The following RASGEF1A variants were observed in gnomAD, a reference collection of about 807,000 sequenced individuals.
The protein encoded by RASGEF1A is RasGEF domain family member 1A, also known as ras-GEF domain-containing family member 1A.
A neutral mutation model predicts 56.4 loss-of-function variants in RASGEF1A; 18 were observed. That is an observed-to-expected ratio of 0.32 (90% confidence interval 0.22 to 0.47). The LOEUF is 0.47. Among genes scored for constraint, RASGEF1A ranks in the 20% least tolerant of loss-of-function variants. The pLI, the probability that RASGEF1A is intolerant of heterozygous loss-of-function variation, is 1.00. For missense variants in RASGEF1A, 422 were observed against 627.1 expected (o/e 0.67, Z 3.49); for synonymous variants, 245 against 242.6 (o/e 1.01, Z -0.09).
chr10:43,221,945 G>A (rs112492062), intron 1 of RASGEF1A, among the ~76,000 whole-genome samples: 10,177 of 152,288 alleles, frequency 0.067, 922 homozygotes, highest in African/African-American at 0.2. Flanking sequence ...CGTGTGGCCC[G>A]GGCACATACA....
At chr10:43,263,716 C>A (rs927461685) in intron 1 of RASGEF1A, among the ~76,000 whole-genome samples, 2 of 152,160 alleles carry the variant, frequency 1.3e-5, no homozygotes, top group African/African-American at 4.8e-5. Flanking sequence ...GCAGGGCGGG[C>A]AACCACAGGT....
At chr10:43,204,715 A>G (rs1212118843) in intron 2 of RASGEF1A, among the ~76,000 whole-genome samples, 1 of 152,128 alleles carries the variant, frequency 6.6e-6, no homozygotes, top group South Asian at 2.1e-4. Flanking sequence ...CCAATGCCCA[A>G]CTGGAGTCTC....
At chr10:43,209,682 G>GCC (rs34314288) in intron 1 of RASGEF1A, among the ~76,000 whole-genome samples, 37 of 141,660 alleles carry the variant, frequency 2.6e-4, no homozygotes, top group African/African-American at 3.5e-4. Flanking sequence ...AGCTCAGGAA[G>GCC]CCCCCCCACC....
At chr10:43,198,270 G>GAGCAGGAGGC (rs1839833168) in intron 9 of RASGEF1A, 75 bp from the exon 10 acceptor site, 1 of 1,324,946 alleles carries the variant, frequency 7.5e-7, no homozygotes, top group Non-Finnish European at 1.0e-6. Context: ...CCCCTCTGCA[G>GAGCAGGAGGC]AGCAGGAGGC....
At chr10:43,236,827 G>A (rs556653785) in intron 1 of RASGEF1A, among the ~76,000 whole-genome samples, 13 of 152,322 alleles carry the variant, frequency 8.5e-5, no homozygotes, top group Non-Finnish European at 1.8e-4. Flanking sequence ...AGACTCAGAG[G>A]AGACCCTGCC....
intron 10 of RASGEF1A, 129 bp from the exon 11 acceptor site, chr10:43,197,228 G>T: frequency 9.0e-7 from 1 of 1,106,096 alleles, no homozygotes; most frequent in Non-Finnish European, 1.3e-6. Context: ...ATGGGACAGT[G>T]GCCCTGCACG....
In RASGEF1A at chr10:43,200,594, G is replaced by C; in HGVS notation, c.681+73C>G. ...GGCTCAGTGTGACTAGCAGGGGCCTGAAGTGCTGTGCTGAAAGAGGCACTG... is the reference window on the plus strand; with the variant it reads ...GGCTCAGTGTGACTAGCAGGGGCCTCAAGTGCTGTGCTGAAAGAGGCACTG... On this transcript the variant is annotated intron_variant, in intron 5 of 12. Transcript: ENST00000395810. 4.4e-6 allele frequency: 6 copies of C among 1,349,282 alleles called. 1 individual carries two copies. Among genetic ancestry groups the C allele is most frequent in the Admixed American group, 1.8e-5 (1 of 55,700 alleles). The allele number at this position is 1,349,282 out of a possible 1,614,324, so 83.6% of individuals were successfully genotyped here.
chr10:43,224,288 A>G (rs1015838611), intron 1 of RASGEF1A, among the ~76,000 whole-genome samples: 2 of 149,938 alleles, frequency 1.3e-5, no homozygotes, highest in Non-Finnish European at 2.9e-5. Flanking sequence ...TATAAATGTG[A>G]CAAATATGTC....
chr10:43,208,721 C>A (rs1431501081), intron 1 of RASGEF1A: 3 of 985,402 alleles, frequency 3.0e-6, no homozygotes, highest in Non-Finnish European at 3.6e-6. Flanking sequence ...CAAGACCCTG[C>A]AGGTCTGGGG....
intron 1 of RASGEF1A, among the ~76,000 whole-genome samples, chr10:43,217,045 C>T (rs1840146428): frequency 6.6e-6 from 1 of 152,192 alleles, no homozygotes. Context: ...CCCACCTGCA[C>T]TGAGAGGCAT....
chr10:43,237,665 C>T (rs181621466), intron 1 of RASGEF1A, among the ~76,000 whole-genome samples: 126 of 152,302 alleles, frequency 8.3e-4, no homozygotes, highest in African/African-American at 2.9e-3. Flanking sequence ...GGCTAACGCA[C>T]GGCGTGGGTT....
intron 1 of RASGEF1A, among the ~76,000 whole-genome samples, chr10:43,257,312 T>C (rs1198861927): frequency 6.6e-6 from 1 of 152,244 alleles, no homozygotes; most frequent in Non-Finnish European, 1.5e-5. Flanking sequence ...ATGATTTGCA[T>C]GCCCACCCTG....
At chr10:43,249,199 A>C (rs1840599320) in intron 1 of RASGEF1A, among the ~76,000 whole-genome samples, 1 of 152,212 alleles carries the variant, frequency 6.6e-6, no homozygotes, top group South Asian at 2.1e-4. Context: ...ACCAGACTCT[A>C]AGAACAGTAG....
intron 1 of RASGEF1A, among the ~76,000 whole-genome samples, chr10:43,264,859 T>C (rs1413521626): frequency 6.6e-6 from 1 of 152,132 alleles, no homozygotes; most frequent in Non-Finnish European, 1.5e-5. Context: ...CCCCCATCCC[T>C]GCCTTGGCAC....
rs756275608 is a variant in RASGEF1A, at chr10:43,201,960, G to A, written c.322-15C>T. ...TTCAGCTTGGCCTGGGGCAGCAGGG[G>A]ATACAGAGTAAGGCCCCACAGGGCA... is the stretch of plus-strand genomic sequence containing the variant. On this transcript the variant is annotated splice_polypyrimidine_tract_variant and intron_variant, in intron 3 of 12. Transcript: ENST00000395810. 1.9e-6 allele frequency: 3 copies of A among 1,598,458 alleles called. No homozygotes were observed. Among genetic ancestry groups the A allele is most frequent in the Admixed American group, 1.7e-5 (1 of 58,880 alleles).
chr10:43,266,601 G>A (rs1313998396), intron 1 of RASGEF1A, among the ~76,000 whole-genome samples: 7 of 150,026 alleles, frequency 4.7e-5, no homozygotes, highest in Admixed American at 1.3e-4. Context: ...GGTGCAGGGG[G>A]TCCTGGCGCC....
At chr10:43,209,147 T>G (rs1269877048) in intron 1 of RASGEF1A, 3 of 985,368 alleles carry the variant, frequency 3.0e-6, no homozygotes, top group Non-Finnish European at 3.6e-6. Flanking sequence ...AATTGCACAC[T>G]GGGCTCTTGG....
chr10:43,214,015 C>T (rs1266900142), intron 1 of RASGEF1A, among the ~76,000 whole-genome samples: 1 of 152,164 alleles, frequency 6.6e-6, no homozygotes, highest in Non-Finnish European at 1.5e-5. Flanking sequence ...CTCATGTGTG[C>T]AAAAGCTGGA....
intron 4 of RASGEF1A, 114 bp downstream of exon 4, chr10:43,201,694 G>C: frequency 8.6e-7 from 1 of 1,159,758 alleles, no homozygotes; most frequent in Non-Finnish European, 1.1e-6. Flanking sequence ...ACCCTCCTGG[G>C]GGAGTAACAT....
Sources: gnomAD v4.1 joint callset for allele counts (sites outside exome capture counted in the v4.1 genomes callset) on GRCh38, gnomAD v4.1.1 for gene constraint, MANE v1.5 for transcripts, NCBI Gene and HGNC (gene_info 2026-07-23, HGNC 2026-07-21) for gene names.